PRR16: variants seen among roughly 807,000 people sequenced by gnomAD.
PRR16 encodes protein Largen.
PRR16 carries 6 observed loss-of-function variants against 18.2 expected under a neutral mutation model. That is an observed-to-expected ratio of 0.33 (90% CI 0.18 to 0.65). PRR16 has a LOEUF of 0.65. Ranked by LOEUF, PRR16 falls within the 30% of genes least tolerant of loss-of-function variation. The pLI, the probability that PRR16 is intolerant of heterozygous loss-of-function variation, is 0.74. For synonymous variants in PRR16, 151 were observed against 147.8 expected (o/e 1.02, Z -0.16); for missense variants, 412 against 376.6 (o/e 1.09, Z -0.78).
the PRR16 span, among the ~76,000 whole-genome samples, chr5:120,714,359 G>T: frequency 6.6e-6 from 1 of 152,066 alleles, no homozygotes; most frequent in Non-Finnish European, 1.5e-5. Context: ...GAAATTTATT[G>T]GTTGCCTGTG....
At chr5:120,632,334 A>G (rs1755085516) in intron 1 of PRR16, among the ~76,000 whole-genome samples, 1 of 152,130 alleles carries the variant, frequency 6.6e-6, no homozygotes. Flanking sequence ...AACACCCCCA[A>G]AATTTTGTAC....
chr5:120,778,780 T>A, the PRR16 span, among the ~76,000 whole-genome samples: 2 of 152,200 alleles, frequency 1.3e-5, no homozygotes, highest in Admixed American at 1.3e-4. Flanking sequence ...GAAGGCATTT[T>A]GTCATTTATT....
intron 1 of PRR16, among the ~76,000 whole-genome samples, chr5:120,563,236 C>G (rs535263405): frequency 1.3e-5 from 2 of 152,288 alleles, no homozygotes; most frequent in South Asian, 4.1e-4. Context: ...CTGCTGTAAC[C>G]ACTATCTGCT....
intron 1 of PRR16, among the ~76,000 whole-genome samples, chr5:120,645,390 C>CA (rs1755556462): frequency 1.3e-5 from 2 of 150,394 alleles, no homozygotes; most frequent in African/African-American, 2.4e-5. Flanking sequence ...CCATCCCCCC[C>CA]CCACACACAC....
chr5:120,504,284 T>G (rs956367020), intron 1 of PRR16, among the ~76,000 whole-genome samples: 1 of 152,108 alleles, frequency 6.6e-6, no homozygotes, highest in African/African-American at 2.4e-5. Context: ...TTGCATCACC[T>G]CAAGTTGTAA....
At chr5:120,468,151 AG>A (rs1265563700) in intron 1 of PRR16, among the ~76,000 whole-genome samples, 1 of 152,204 alleles carries the variant, frequency 6.6e-6, no homozygotes, top group Non-Finnish European at 1.5e-5. Context: ...CATACTTAGT[AG>A]TATGGCAAGT....
chr5:120,765,488 G>A, the PRR16 span, among the ~76,000 whole-genome samples: 1,607 of 152,120 alleles, frequency 0.011, 22 homozygotes, highest in African/African-American at 0.037. Context: ...AGTTTTCAAA[G>A]TTCTGCCTTT....
chr5:120,686,154 A>C lies in PRR16; in HGVS notation c.360A>C (p.Pro120=), dbSNP rs1428289545. ...CTATCCTCACGGTCCTGAGAAAGCC[A>C]AACCCTCCACCACCTCCTCCAAGGT... The part of the protein sequence containing the change: ...PSAILTVLRK[P]NPPPPPPRLT... The change falls in exon 2 of 2, where the codon CCA becomes CCC. Residue 120 remains proline (P), a synonymous_variant. Coordinates refer to ENST00000407149, the MANE Select transcript of PRR16 (RefSeq NM_001300783.2). 2 of 1,614,040 alleles carry C rather than the reference A, an allele frequency of 1.2e-6. No individual in the cohort carries two copies. The highest frequency in any genetic ancestry group is 1.3e-5 in the African/African-American group (1 of 74,930).
chr5:120,611,099 G>C (rs1186239460), intron 1 of PRR16, among the ~76,000 whole-genome samples: 1 of 152,144 alleles, frequency 6.6e-6, no homozygotes, highest in Non-Finnish European at 1.5e-5. Context: ...TTTTGCCCCT[G>C]CCCTAGAGAT....
chr5:120,528,136 G>A (rs1426063909), intron 1 of PRR16, among the ~76,000 whole-genome samples: 1 of 152,178 alleles, frequency 6.6e-6, no homozygotes, highest in African/African-American at 2.4e-5. Context: ...GGGATGGATA[G>A]AGTGTCATTT....
At chr5:120,781,565 T>TGCTTCAGGGAGATC in the PRR16 span, 4 of 152,200 alleles carry the variant, frequency 2.6e-5, no homozygotes, top group African/African-American at 9.7e-5. Flanking sequence ...TTTTATGATC[T>TGCTTCAGGGAGATC]GCTTCAGGGA....
chr5:120,692,679 T>A, the PRR16 span, among the ~76,000 whole-genome samples: 1 of 152,210 alleles, frequency 6.6e-6, no homozygotes, highest in African/African-American at 2.4e-5. Flanking sequence ...TTTTATAGAC[T>A]CTTGAAGACT....
the PRR16 span, among the ~76,000 whole-genome samples, chr5:120,770,374 A>G: frequency 6.6e-6 from 1 of 152,016 alleles, no homozygotes; most frequent in Non-Finnish European, 1.5e-5. Flanking sequence ...ATCCACATAT[A>G]GAAGAAGGCA....
the PRR16 span, among the ~76,000 whole-genome samples, chr5:120,722,718 G>T: frequency 6.6e-6 from 1 of 151,970 alleles, no homozygotes; most frequent in Admixed American, 6.6e-5. Context: ...CTCTAGAGCA[G>T]ACTGTTTCAT....
intron 1 of PRR16, among the ~76,000 whole-genome samples, chr5:120,644,676 A>G (rs1287026111): frequency 6.6e-6 from 1 of 152,126 alleles, no homozygotes; most frequent in Non-Finnish European, 1.5e-5. Flanking sequence ...ATTTTTTATG[A>G]TGCATAGTCA....
intron 1 of PRR16, among the ~76,000 whole-genome samples, chr5:120,537,534 G>T (rs1457915170): frequency 6.6e-6 from 1 of 151,858 alleles, no homozygotes; most frequent in African/African-American, 2.4e-5. Context: ...TGTACTAGTG[G>T]TTATTATTAT....
At chr5:120,698,293 TAC>T in the PRR16 span, among the ~76,000 whole-genome samples, 5 of 152,074 alleles carry the variant, frequency 3.3e-5, no homozygotes, top group East Asian at 9.7e-4. Context: ...ATGGCCTGGA[TAC>T]AGTTTTGTAT....
At chr5:120,560,087 A>G (rs1691332245) in intron 1 of PRR16, among the ~76,000 whole-genome samples, 1 of 151,944 alleles carries the variant, frequency 6.6e-6, no homozygotes, top group African/African-American at 2.4e-5. Context: ...ACAAACATGG[A>G]TAATTTGGTA....
intron 1 of PRR16, among the ~76,000 whole-genome samples, chr5:120,671,118 C>A (rs781324304): frequency 3.3e-5 from 5 of 152,070 alleles, no homozygotes; most frequent in Admixed American, 6.6e-5. Context: ...TGCACATATA[C>A]ACACACACCA....
Sources: gnomAD v4.1 joint callset for allele counts (sites outside exome capture counted in the v4.1 genomes callset) on GRCh38, gnomAD v4.1.1 for gene constraint, MANE v1.5 for transcripts, NCBI Gene and HGNC (gene_info 2026-07-23, HGNC 2026-07-21) for gene names.